GPC6: variants seen among roughly 807,000 people sequenced by gnomAD.
The protein encoded by GPC6 is glypican 6, also known as glypican-6.
GPC6 carries 14 observed loss-of-function variants against 55.2 expected under a neutral mutation model. The observed-to-expected ratio is 0.25, with a 90% CI of 0.17 to 0.40. The LOEUF (loss-of-function observed/expected upper bound fraction) is 0.40, where lower values mean the gene tolerates loss of function less well. GPC6 is among the 10% of genes least tolerant of loss of function. The pLI is 1.00. For synonymous variants in GPC6, 278 were observed against 259.6 expected, an observed-to-expected ratio of 1.07 and a Z score of -0.68; for missense variants, 641 against 708.5, an observed-to-expected ratio of 0.90 and a Z score of 1.08.
chr13:93,822,537 C>G (rs908105771), intron 2 of GPC6, among the ~76,000 whole-genome samples: 2 of 152,016 alleles, frequency 1.3e-5, no homozygotes, highest in Non-Finnish European at 2.9e-5. Context: ...ATGGTGGTTT[C>G]CTGCACCCAT....
At chr13:93,723,686 C>T (rs1306968027) in intron 2 of GPC6, among the ~76,000 whole-genome samples, 4 of 151,934 alleles carry the variant, frequency 2.6e-5, no homozygotes, top group African/African-American at 9.7e-5. Flanking sequence ...CTGTAGTCAA[C>T]CAAAGCAGTT....
chr13:93,807,807 C>G (rs1886583846), intron 2 of GPC6, among the ~76,000 whole-genome samples: 2 of 152,350 alleles, frequency 1.3e-5, no homozygotes, highest in South Asian at 4.1e-4. Flanking sequence ...AATCAAATGT[C>G]TTACAAAAGG....
chr13:93,941,783 A>T (rs1431637837), intron 3 of GPC6, among the ~76,000 whole-genome samples: 1 of 152,286 alleles, frequency 6.6e-6, no homozygotes, highest in East Asian at 1.9e-4. Flanking sequence ...TTTGTAGGAC[A>T]TTGTCTCAAG....
chr13:94,192,216 TA>T (rs1889419011), intron 4 of GPC6, among the ~76,000 whole-genome samples: 2 of 152,186 alleles, frequency 1.3e-5, no homozygotes. Context: ...TGTTAACAGA[TA>T]AATGGCTCCC....
At chr13:93,936,879 G>T (rs965523107) in intron 3 of GPC6, among the ~76,000 whole-genome samples, 5 of 152,190 alleles carry the variant, frequency 3.3e-5, no homozygotes, top group South Asian at 4.1e-4. Flanking sequence ...CTAGATGTAT[G>T]TTATGGCCTC....
chr13:94,238,923 G>A (rs1030814408), intron 4 of GPC6, among the ~76,000 whole-genome samples: 7 of 152,144 alleles, frequency 4.6e-5, no homozygotes, highest in African/African-American at 1.4e-4. Flanking sequence ...AGGCTGGAAA[G>A]CAGAACACAA....
chr13:94,291,524 G>A lies in GPC6; in HGVS notation c.1008+5045G>A, dbSNP rs72647618. 9.4e-4 allele frequency among the ~76,000 whole-genome samples: 143 copies of A among 152,252 alleles called. No individual in the cohort carries two copies. The Middle Eastern group carries it at 0.014, about 14-fold the overall frequency. On this transcript the variant is annotated intron_variant, in intron 5 of 8. Transcript: ENST00000377047. Reference sequence around the variant, plus strand: ...GAAACACCAACAGGATTTGCTGGTGGAACAGATGTATTCTGAAAAGAGATT... The same window carrying A: ...GAAACACCAACAGGATTTGCTGGTGAAACAGATGTATTCTGAAAAGAGATT...
intron 4 of GPC6, among the ~76,000 whole-genome samples, chr13:94,188,579 A>G (rs779203176): frequency 8.5e-5 from 13 of 152,302 alleles, no homozygotes; most frequent in Non-Finnish European, 1.6e-4. Context: ...ACTGCATTCT[A>G]TAAGGTTTTA....
At chr13:94,134,981 G>A (rs906268072) in intron 4 of GPC6, among the ~76,000 whole-genome samples, 4 of 152,114 alleles carry the variant, frequency 2.6e-5, no homozygotes, top group Admixed American at 6.6e-5. Flanking sequence ...TCACCCACTC[G>A]TAACAGAAAC....
intron 5 of GPC6, among the ~76,000 whole-genome samples, chr13:94,302,736 C>G (rs1338879970): frequency 2.6e-5 from 4 of 152,122 alleles, no homozygotes; most frequent in Non-Finnish European, 5.9e-5. Context: ...GTCCTTGCGC[C>G]CAGAGCTCCC....
At chr13:94,250,465 T>C (rs904283151) in intron 4 of GPC6, among the ~76,000 whole-genome samples, 1 of 152,212 alleles carries the variant, frequency 6.6e-6, no homozygotes, top group African/African-American at 2.4e-5. Context: ...CTACTGTATT[T>C]GCTTATCTGA....
intron 2 of GPC6, among the ~76,000 whole-genome samples, chr13:93,580,173 A>G (rs1024294131): frequency 6.6e-6 from 1 of 152,154 alleles, no homozygotes; most frequent in African/African-American, 2.4e-5. Context: ...TTCATGGTTC[A>G]TGGGCCATCT....
intron 4 of GPC6, among the ~76,000 whole-genome samples, chr13:94,105,765 G>A (rs1886030919): frequency 6.6e-6 from 1 of 152,196 alleles, no homozygotes. Context: ...CAAGAGAGGA[G>A]ATCATTTGGA....
At chr13:93,268,273 G>T (rs575877768) in intron 1 of GPC6, among the ~76,000 whole-genome samples, 1 of 152,188 alleles carries the variant, frequency 6.6e-6, no homozygotes, top group African/African-American at 2.4e-5. Context: ...ATGCCATTTG[G>T]TCAAGACTGG....
At chr13:93,557,640 T>G (rs1389287711) in intron 2 of GPC6, among the ~76,000 whole-genome samples, 1 of 152,128 alleles carries the variant, frequency 6.6e-6, no homozygotes, top group South Asian at 2.1e-4. Flanking sequence ...TAAGAATATC[T>G]TCAGCCCTTG....
intron 4 of GPC6, among the ~76,000 whole-genome samples, chr13:94,039,563 A>G (rs1883459844): frequency 6.6e-6 from 1 of 151,948 alleles, no homozygotes; most frequent in Non-Finnish European, 1.5e-5. Context: ...GGGAATGGCA[A>G]ATATGGATTT....
intron 4 of GPC6, among the ~76,000 whole-genome samples, chr13:94,100,040 G>C (rs78198639): frequency 0.025 from 3,875 of 152,152 alleles, 161 homozygotes; most frequent in African/African-American, 0.089. Context: ...TGATGAAATA[G>C]TCTGTACATG....
chr13:93,930,977 G>A lies in GPC6; in HGVS notation c.712-96752G>A, dbSNP rs374477948. ...GATCTTTTATGGCTGGAGCAATGTGGGTGGAGAGGTGCTATACACTTTTAA... is the reference window on the plus strand; with the variant it reads ...GATCTTTTATGGCTGGAGCAATGTGAGTGGAGAGGTGCTATACACTTTTAA... On this transcript the variant is annotated intron_variant, in intron 3 of 8. Coordinates refer to ENST00000377047, the MANE Select transcript of GPC6 (RefSeq NM_005708.5). Among the ~76,000 whole-genome samples the A allele has an allele frequency of 6.4e-4, 98 of 152,112 alleles. No individual in the cohort carries two copies. The East Asian group carries it at 0.012, about 18-fold the overall frequency.
chr13:93,933,608 T>C (rs919621619), intron 3 of GPC6, among the ~76,000 whole-genome samples: 6 of 152,156 alleles, frequency 3.9e-5, no homozygotes, highest in Non-Finnish European at 5.9e-5. Context: ...CTTAGAAGAA[T>C]GGTTGTATAT....
Sources: gnomAD v4.1 joint callset for allele counts (sites outside exome capture counted in the v4.1 genomes callset) on GRCh38, gnomAD v4.1.1 for gene constraint, MANE v1.5 for transcripts, NCBI Gene and HGNC (gene_info 2026-07-23, HGNC 2026-07-21) for gene names.